ANO1: variants seen among roughly 807,000 people sequenced by gnomAD.
ANO1 encodes anoctamin 1.
Under a neutral mutation model 124.0 loss-of-function variants are expected in ANO1, and 59 were observed. The observed-to-expected ratio is 0.48, with a 90% CI of 0.39 to 0.59. The LOEUF is 0.59. Ranked by LOEUF, ANO1 falls within the 20% of genes least tolerant of loss-of-function variation. The pLI is 0.00. For synonymous variants in ANO1, 529 were observed against 532.0 expected (o/e 0.99, Z 0.08); for missense variants, 1,059 against 1,328.0 (o/e 0.80, Z 3.15).
chr11:69,991,049 T>G (rs1368971594), intron 1 of ANO1, among the ~76,000 whole-genome samples: 1 of 152,236 alleles, frequency 6.6e-6, no homozygotes, highest in Non-Finnish European at 1.5e-5. Flanking sequence ...AATTCAAGGT[T>G]GCAATGATCT....
intron 1 of ANO1, among the ~76,000 whole-genome samples, chr11:70,000,150 A>T (rs1554999000): frequency 1.3e-5 from 2 of 152,200 alleles, no homozygotes; most frequent in Non-Finnish European, 1.5e-5. Context: ...AAGTGGGGAC[A>T]TAGCTACCCA....
chr11:69,991,065 G>C (rs566907522), intron 1 of ANO1, among the ~76,000 whole-genome samples: 1 of 152,098 alleles, frequency 6.6e-6, no homozygotes, highest in African/African-American at 2.4e-5. Context: ...GATCTACCCC[G>C]ATGTTTTCCT....
At chr11:70,056,942 A>G (rs1197589850) in intron 1 of ANO1, among the ~76,000 whole-genome samples, 1 of 150,410 alleles carries the variant, frequency 6.6e-6, no homozygotes, top group Non-Finnish European at 1.5e-5. Context: ...TACCTTTTGA[A>G]TTCTCATTTT....
intron 2 of ANO1, among the ~76,000 whole-genome samples, chr11:70,095,283 GGAAGGAAGGAAGGAAGGAAAGAAA>G (rs747062651): frequency 0.023 from 1,943 of 84,090 alleles, 210 homozygotes; most frequent in African/African-American, 0.063. Flanking sequence ...AAGGAAGGAA[GGAAGGAAGGAAGGAAGGAAAGAAA>G]GAAAGAAAGA....
chr11:70,069,027 T>C (rs1857801872), intron 1 of ANO1, among the ~76,000 whole-genome samples: 1 of 152,234 alleles, frequency 6.6e-6, no homozygotes, highest in Non-Finnish European at 1.5e-5. Flanking sequence ...CAGGACCTCC[T>C]TGATGAAAGA....
the ANO1 span, among the ~76,000 whole-genome samples, chr11:69,967,664 G>A: frequency 1.3e-5 from 2 of 152,208 alleles, no homozygotes; most frequent in South Asian, 2.1e-4. Flanking sequence ...ATGCTGTCAC[G>A]GCCCCCGTTT....
intron 11 of ANO1, chr11:70,141,679 G>C (rs1383903757): frequency 3.3e-5 from 5 of 152,182 alleles, no homozygotes; most frequent in Admixed American, 1.3e-4. Flanking sequence ...CCCCCATCCC[G>C]GGCCCTTTTC....
Position 70,096,766 on chromosome 11 carries a change from C to G in ANO1, c.442-6300C>G, listed in dbSNP as rs540676500. 5.9e-5 allele frequency among the ~76,000 whole-genome samples: 9 copies of G among 152,158 alleles called. No homozygotes were observed. The East Asian group carries it at 1.4e-3, about 23-fold the overall frequency. The stretch of plus-strand genomic sequence containing the variant: ...GTCCCAGCTACTTGGGAGGCTGAGG[C>G]GGGAGAATTGCTGGAACCTGGGAGG... On this transcript the variant is annotated intron_variant, in intron 2 of 25. Transcript: ENST00000355303.
exon 1 of ANO1, chr11:69,985,928 TGGCTACAGCACGCGC>T (rs1192301570): frequency 6.6e-6 from 1 of 151,762 alleles, no homozygotes; most frequent in Admixed American, 6.5e-5. Context: ...CAGCCAAGTT[TGGCTACAGCACGCGC>T]GGCTTCGCTC....
the ANO1 span, among the ~76,000 whole-genome samples, chr11:69,968,475 C>T: frequency 2.5e-3 from 374 of 152,308 alleles, 1 homozygote; most frequent in African/African-American, 8.7e-3. Flanking sequence ...CTCGACGTGT[C>T]GGAGAGTCAA....
chr11:70,118,449 G>T (rs1380637745), intron 8 of ANO1, among the ~76,000 whole-genome samples: 1 of 152,162 alleles, frequency 6.6e-6, no homozygotes. Flanking sequence ...TGGATACAAG[G>T]CCTGGCCCAT....
the ANO1 span, among the ~76,000 whole-genome samples, chr11:69,968,375 C>T: frequency 3.2e-3 from 490 of 152,248 alleles, 2 homozygotes; most frequent in Non-Finnish European, 4.8e-3. Context: ...CCTTTGGAAG[C>T]AAGTTCCAAA....
chr11:69,990,755 T>G (rs1385319955), intron 1 of ANO1, among the ~76,000 whole-genome samples: 2 of 152,276 alleles, frequency 1.3e-5, no homozygotes, highest in African/African-American at 4.8e-5. Context: ...ATAGATCATT[T>G]GTTTATCTTC....
At chr11:69,996,175 T>C (rs1856268408) in intron 1 of ANO1, among the ~76,000 whole-genome samples, 1 of 152,172 alleles carries the variant, frequency 6.6e-6, no homozygotes, top group Non-Finnish European at 1.5e-5. Flanking sequence ...TATAGAAGGA[T>C]TTAGATTGGA....
intron 11 of ANO1, among the ~76,000 whole-genome samples, chr11:70,143,184 G>A (rs1472582951): frequency 3.9e-5 from 6 of 152,160 alleles, no homozygotes; most frequent in African/African-American, 9.7e-5. Flanking sequence ...ACCCCTGCCC[G>A]TGAGGAGCAT....
Position 70,163,301 on chromosome 11 carries a change from C to T in ANO1, c.1911C>T (p.Gly637=), listed in dbSNP as rs377487688. The T allele has an allele frequency of 3.1e-6, 5 of 1,613,694 alleles. No individual in the cohort carries two copies. Among genetic ancestry groups the T allele is most frequent in the Admixed American group, 1.7e-5 (1 of 59,994 alleles). ...GTTTCAGGTTTGTTGGACGCCCGGG[C>T]GACTACGTGTACATTTTCCGTTCCT... The part of the protein sequence containing the change: ...FFKGRFVGRP[G]DYVYIFRSFR... The change falls in exon 19 of 26, where the codon GGC becomes GGT. Residue 637 remains glycine, a synonymous_variant. Coordinates refer to ENST00000355303, the MANE Select transcript of ANO1 (RefSeq NM_018043.7).
intron 11 of ANO1, among the ~76,000 whole-genome samples, chr11:70,149,326 G>A (rs76599382): frequency 9.8e-5 from 15 of 152,322 alleles, no homozygotes; most frequent in East Asian, 9.7e-4. Context: ...AGCCCAGGAT[G>A]TCACCCTCTC....
At chr11:70,126,511 G>A (rs893887763) in intron 10 of ANO1, among the ~76,000 whole-genome samples, 6 of 152,264 alleles carry the variant, frequency 3.9e-5, no homozygotes, top group African/African-American at 1.4e-4. Flanking sequence ...GGTCATTAGT[G>A]ACAAGAAAGT....
At chr11:70,108,272 C>G (rs958550984) in intron 5 of ANO1, 81 bp from the exon 6 acceptor site, 46 of 1,419,766 alleles carry the variant, frequency 3.2e-5, no homozygotes, top group Non-Finnish European at 4.9e-6. Context: ...TGACCAGGTC[C>G]TCTCCAGCCA....
Sources: allele counts gnomAD v4.1 joint callset (sites outside exome capture counted in the v4.1 genomes callset), GRCh38; gene constraint gnomAD v4.1.1; transcripts MANE v1.5; gene names NCBI Gene and HGNC (gene_info 2026-07-23, HGNC 2026-07-21).